The following MYO1E variants were observed in gnomAD, a reference collection of about 807,000 sequenced individuals.
MYO1E encodes the protein unconventional myosin-Ie.
In MYO1E, 68 loss-of-function variants were observed where a neutral mutation model predicts 151.1. The ratio of observed to expected loss-of-function variants is 0.45; its 90% confidence interval spans 0.37 to 0.55. MYO1E has a LOEUF of 0.55. MYO1E is among the 20% of genes least tolerant of loss of function. The pLI is 0.00. For synonymous variants in MYO1E, 601 were observed against 501.7 expected, an observed-to-expected ratio of 1.20 and a Z score of -2.64; for missense variants, 1,363 against 1,389.3, an observed-to-expected ratio of 0.98 and a Z score of 0.30.
At chr15:59,281,943 A>G (rs2052047631) in intron 1 of MYO1E, among the ~76,000 whole-genome samples, 1 of 151,526 alleles carries the variant, frequency 6.6e-6, no homozygotes, top group South Asian at 2.1e-4. Flanking sequence ...CAGCCTGGTG[A>G]CAAAGCAAGA....
chr15:59,351,998 T>C (rs944414371), intron 1 of MYO1E, among the ~76,000 whole-genome samples: 3 of 152,182 alleles, frequency 2.0e-5, no homozygotes, highest in Admixed American at 6.5e-5. Flanking sequence ...TCTCACCCTC[T>C]TTAGGAGAAG....
At chr15:59,240,483 G>A (rs532619372) in intron 4 of MYO1E, among the ~76,000 whole-genome samples, 1 of 152,278 alleles carries the variant, frequency 6.6e-6, no homozygotes, top group East Asian at 1.9e-4. Context: ...ATTTACAATG[G>A]TATAATCCAA....
At chr15:59,178,040 C>A (rs370847971) in intron 19 of MYO1E, among the ~76,000 whole-genome samples, 8 of 152,364 alleles carry the variant, frequency 5.3e-5, no homozygotes, top group African/African-American at 1.9e-4. Context: ...TGAGCATTTT[C>A]TGTGTGAGGC....
chr15:59,228,671 A>G (rs1424248130), intron 6 of MYO1E, among the ~76,000 whole-genome samples: 1 of 152,084 alleles, frequency 6.6e-6, no homozygotes, highest in African/African-American at 2.4e-5. Context: ...TCTATGGTCA[A>G]ACTGGAGAAG....
intron 4 of MYO1E, among the ~76,000 whole-genome samples, chr15:59,237,395 A>G (rs183647563): frequency 9.2e-5 from 14 of 152,326 alleles, no homozygotes; most frequent in Admixed American, 8.5e-4. Flanking sequence ...GCCTTCCTGC[A>G]TGGGGAGAGC....
At chr15:59,303,654 C>T (rs1046619607) in intron 1 of MYO1E, among the ~76,000 whole-genome samples, 2 of 152,170 alleles carry the variant, frequency 1.3e-5, no homozygotes, top group Non-Finnish European at 2.9e-5. Context: ...AGCATAATCC[C>T]ACAGCGAGAT....
intron 1 of MYO1E, among the ~76,000 whole-genome samples, chr15:59,366,310 TTC>T (rs1182750782): frequency 2.3e-4 from 30 of 128,036 alleles, no homozygotes; most frequent in South Asian, 1.1e-3. Context: ...CTCTCTCTCT[TTC>T]TCTCTCTCTC....
At chr15:59,217,257 A>C (rs771031963) in intron 10 of MYO1E, among the ~76,000 whole-genome samples, 25 of 152,226 alleles carry the variant, frequency 1.6e-4, no homozygotes, top group Non-Finnish European at 3.5e-4. Context: ...TGTGAAAAAC[A>C]TATTCCTAAA....
intron 8 of MYO1E, among the ~76,000 whole-genome samples, chr15:59,224,475 T>C (rs1393647868): frequency 6.6e-6 from 1 of 152,230 alleles, no homozygotes; most frequent in Non-Finnish European, 1.5e-5. Flanking sequence ...AATTCATTTC[T>C]TTTTACCCAT....
intron 4 of MYO1E, among the ~76,000 whole-genome samples, chr15:59,245,221 C>G (rs1291802756): frequency 6.6e-6 from 1 of 152,224 alleles, no homozygotes; most frequent in Non-Finnish European, 1.5e-5. Flanking sequence ...AGGAAGATAG[C>G]TTGAGAATCC....
Position 59,372,655 on chromosome 15 carries a change from A to G in MYO1E, c.-155T>C, listed in dbSNP as rs2140449251. On this transcript the variant is annotated 5_prime_UTR_variant, in exon 1 of 28. Transcript: ENST00000288235. Reference sequence around the variant, plus strand: ...CTCACAGGAGCCAATGGGAACCCAGAGGGGACTCCATCCAGGCGGGATTGG... The same window carrying G: ...CTCACAGGAGCCAATGGGAACCCAGGGGGGACTCCATCCAGGCGGGATTGG... 1 of 921,774 alleles carries G rather than the reference A, an allele frequency of 1.1e-6. No individual in the cohort carries two copies. The highest frequency in any genetic ancestry group is 1.6e-6 in the Non-Finnish European group (1 of 625,824). The allele number at this position is 921,774 out of a possible 1,614,324, so 57.1% of individuals were successfully genotyped here.
intron 26 of MYO1E, among the ~76,000 whole-genome samples, chr15:59,141,828 C>T (rs1260457572): frequency 5.8e-5 from 8 of 138,674 alleles, no homozygotes; most frequent in Non-Finnish European, 1.5e-5. Context: ...AGGCTGGGTG[C>T]AGTGGCTCAC....
chr15:59,233,806 C>G (rs2080043736), intron 5 of MYO1E, among the ~76,000 whole-genome samples: 1 of 151,110 alleles, frequency 6.6e-6, no homozygotes, highest in Admixed American at 6.6e-5. Flanking sequence ...CTATAGCTGC[C>G]CTTACTGTCC....
intron 1 of MYO1E, among the ~76,000 whole-genome samples, chr15:59,344,266 G>A (rs376173158): frequency 9.7e-4 from 148 of 152,316 alleles, no homozygotes; most frequent in African/African-American, 3.3e-3. Context: ...TAGTTCTTGC[G>A]GACTCGTAGA....
chr15:59,208,067 A>G lies in MYO1E; in HGVS notation c.1530+614T>C, dbSNP rs763971600. ...AGTGCAAAAACACTCTGGGAAATTCAGAATAAGCTTAAGCTTTAAAGTTGC... is the reference window on the plus strand; with the variant it reads ...AGTGCAAAAACACTCTGGGAAATTCGGAATAAGCTTAAGCTTTAAAGTTGC... On this transcript the variant is annotated intron_variant, in intron 14 of 27. Coordinates refer to ENST00000288235, the MANE Select transcript of MYO1E (RefSeq NM_004998.4). 3.2e-6 allele frequency: 5 copies of G among 1,581,854 alleles called. No individual in the cohort carries two copies. In the Admixed American group the frequency reaches 7.9e-5, roughly 25 times the overall value.
At chr15:59,232,722 C>A (rs2080035799) in intron 5 of MYO1E, among the ~76,000 whole-genome samples, 1 of 152,168 alleles carries the variant, frequency 6.6e-6, no homozygotes, top group African/African-American at 2.4e-5. Context: ...TCATTGTCCT[C>A]ATAGGAAAAC....
At chr15:59,353,384 G>GAAAAT (rs2080835527) in intron 1 of MYO1E, among the ~76,000 whole-genome samples, 1 of 138,218 alleles carries the variant, frequency 7.2e-6, no homozygotes, top group African/African-American at 2.7e-5. Flanking sequence ...GAAAAGAAAA[G>GAAAAT]AAAAGAAAAG....
rs1165267424 is a variant in MYO1E, at chr15:59,312,267, C to T, written c.4-39818G>A. Among the ~76,000 whole-genome samples, 7 of 152,068 alleles carry T rather than the reference C, an allele frequency of 4.6e-5. No individual in the cohort carries two copies. In the South Asian group the frequency reaches 1.0e-3, roughly 22 times the overall value. On this transcript the variant is annotated intron_variant, in intron 1 of 27. Transcript: ENST00000288235. ...TCAATCTGAGCATACTACAAGGCAA[C>T]AAAAGAAATTTTAGGGTTTCATTTT... is the stretch of plus-strand genomic sequence containing the variant.
intron 5 of MYO1E, among the ~76,000 whole-genome samples, chr15:59,233,704 T>A (rs1199598863): frequency 6.8e-6 from 1 of 146,038 alleles, no homozygotes; most frequent in Non-Finnish European, 1.5e-5. Flanking sequence ...AACAGCATCC[T>A]GGATTCTTGT....
Sources: gnomAD v4.1 joint callset for allele counts (sites outside exome capture counted in the v4.1 genomes callset) on GRCh38, gnomAD v4.1.1 for gene constraint, MANE v1.5 for transcripts, NCBI Gene and HGNC (gene_info 2026-07-23, HGNC 2026-07-21) for gene names.